Variants in SOCS5 observed in about 807,000 individuals in gnomAD.
SOCS5 encodes suppressor of cytokine signaling 5.
SOCS5 carries 32 observed loss-of-function variants against 42.8 expected under a neutral mutation model. The observed-to-expected ratio is 0.75, with a 90% CI of 0.56 to 1.01. SOCS5 has a LOEUF of 1.01. Ranked by LOEUF, SOCS5 falls within the 50% of genes least tolerant of loss-of-function variation. The pLI, the probability that SOCS5 is intolerant of heterozygous loss-of-function variation, is 0.00. For missense variants in SOCS5, 627 were observed against 653.0 expected, an observed-to-expected ratio of 0.96 and a Z score of 0.43; for synonymous variants, 283 against 229.6, an observed-to-expected ratio of 1.23 and a Z score of -2.10.
At chr2:46,744,266 A>G (rs1673449944) in intron 1 of SOCS5, among the ~76,000 whole-genome samples, 1 of 152,228 alleles carries the variant, frequency 6.6e-6, no homozygotes, top group Non-Finnish European at 1.5e-5. Flanking sequence ...CTGGGATTAC[A>G]GGCATGAGCC....
In SOCS5 at chr2:46,724,542, C is replaced by G. The variant is rs191650244; in HGVS notation, c.-13+25093C>G. 3.9e-5 allele frequency among the ~76,000 whole-genome samples: 6 copies of G among 151,970 alleles called. 1 individual carries two copies. In the East Asian group the frequency reaches 5.8e-4, roughly 15 times the overall value. On this transcript the variant is annotated intron_variant, in intron 1 of 1. Coordinates refer to ENST00000394861, the MANE Select transcript of SOCS5 (RefSeq NM_144949.3). ...GCCATACATTTTCCTCTGAGCATTG[C>G]TTAACTACATCATACAAATGATGTA...
intron 1 of SOCS5, among the ~76,000 whole-genome samples, chr2:46,718,099 G>A (rs1672790339): frequency 6.7e-6 from 1 of 148,284 alleles, no homozygotes; most frequent in African/African-American, 2.4e-5. Flanking sequence ...TGTGTTTTGT[G>A]TGTGTGTGTG....
chr2:46,703,456 A>G (rs187608580), intron 1 of SOCS5, among the ~76,000 whole-genome samples: 4 of 152,298 alleles, frequency 2.6e-5, no homozygotes, highest in African/African-American at 7.2e-5. Flanking sequence ...AAGTTACCAC[A>G]ATTTATTGGA....
chr2:46,718,806 C>G (rs960273978), intron 1 of SOCS5, among the ~76,000 whole-genome samples: 1 of 152,090 alleles, frequency 6.6e-6, no homozygotes, highest in Admixed American at 6.5e-5. Flanking sequence ...AGGTCTCTCA[C>G]ATAGAAAAGA....
Position 46,707,247 on chromosome 2 carries a change from C to T in SOCS5, c.-13+7798C>T, listed in dbSNP as rs1286361483. On this transcript the variant is annotated intron_variant, in intron 1 of 1. Transcript: ENST00000394861. ...ACGGAAGAATTTTAACATCAATTTA[C>T]TGTAAAGTGGAAGCTCAGGAGATAG... is the stretch of plus-strand genomic sequence containing the variant. Among the ~76,000 whole-genome samples, 10 of 152,306 alleles carry T rather than the reference C, an allele frequency of 6.6e-5. No homozygotes were observed. The East Asian group carries it at 9.6e-4, about 15-fold the overall frequency.
rs747748827 is a variant in SOCS5, at chr2:46,760,029, G to C, written c.1499G>C (p.Gly500Ala). The change falls in exon 2 of 2, where the codon GGA becomes GCA. Residue 500 changes from glycine to alanine, a missense_variant. Coordinates refer to ENST00000394861, the MANE Select transcript of SOCS5 (RefSeq NM_144949.3). ...AVICRCTTYD[G>A]IDGLPLPSML... ...ATCTGCAGGTGCACTACGTATGATG[G>C]AATTGATGGGCTCCCTCTACCCTCA... The C allele has an allele frequency of 3.7e-6, 6 of 1,614,126 alleles. No individual in the cohort carries two copies.
intron 1 of SOCS5, among the ~76,000 whole-genome samples, chr2:46,708,730 C>T (rs1019301981): frequency 6.6e-6 from 1 of 152,142 alleles, no homozygotes; most frequent in African/African-American, 2.4e-5. Context: ...TTTCTTCCTG[C>T]CTTCGGAATC....
chr2:46,732,206 G>C (rs1221624031), intron 1 of SOCS5, among the ~76,000 whole-genome samples: 1 of 152,200 alleles, frequency 6.6e-6, no homozygotes, highest in Non-Finnish European at 1.5e-5. Flanking sequence ...ACAAATTGTA[G>C]TTTTCAAAAC....
At chr2:46,756,724 G>A (rs1301205039) in intron 1 of SOCS5, among the ~76,000 whole-genome samples, 3 of 152,162 alleles carry the variant, frequency 2.0e-5, no homozygotes, top group Admixed American at 1.3e-4. Context: ...AAAGGGGCTA[G>A]GATATTGGAA....
chr2:46,724,724 A>G lies in SOCS5; in HGVS notation c.-13+25275A>G, dbSNP rs114766413. ...TTTAGGTTCATTATGGTCAAACAAC[A>G]TATTTTATGTTGCTTCAGTTCTTTT... On this transcript the variant is annotated intron_variant, in intron 1 of 1. Coordinates refer to ENST00000394861, the MANE Select transcript of SOCS5 (RefSeq NM_144949.3). Among the ~76,000 whole-genome samples, 1,178 of 152,094 alleles carry G rather than the reference A, an allele frequency of 7.7e-3. 24 individuals carry two copies. The highest frequency in any genetic ancestry group is 0.027 in the African/African-American group (1,121 of 41,504).
rs558184294 is a variant in SOCS5, at chr2:46,731,904, T to A, written c.-12-26615T>A. ...CCTTAAAAAAGACCTGAAGTTTGCA[T>A]GTGAAGGTAGTCATGGGAAAAGTTG... is the stretch of plus-strand genomic sequence containing the variant. On this transcript the variant is annotated intron_variant, in intron 1 of 1. Transcript: ENST00000394861. Among the ~76,000 whole-genome samples the A allele has an allele frequency of 9.8e-5, 15 of 152,306 alleles. No individual in the cohort carries two copies. The South Asian group carries it at 2.7e-3, about 27-fold the overall frequency.
At chr2:46,707,960 A>G (rs1672534698) in intron 1 of SOCS5, among the ~76,000 whole-genome samples, 1 of 152,214 alleles carries the variant, frequency 6.6e-6, no homozygotes, top group African/African-American at 2.4e-5. Context: ...CTGTTTTATA[A>G]TAAAGTGTTG....
chr2:46,712,579 T>C (rs1672649618), intron 1 of SOCS5, among the ~76,000 whole-genome samples: 1 of 152,164 alleles, frequency 6.6e-6, no homozygotes, highest in Non-Finnish European at 1.5e-5. Flanking sequence ...CCTGACCTCG[T>C]GATCCGCCTG....
In SOCS5 at chr2:46,760,148, C is replaced by T. The variant is rs182123759; in HGVS notation, c.*7C>T. The stretch of plus-strand genomic sequence containing the variant: ...ACCAGTCAAGGCAAAGTAAACTCTC[C>T]GGTCCCCAAAGGTTGTTAACTAGGT... On this transcript the variant is annotated 3_prime_UTR_variant, in exon 2 of 2. Coordinates refer to ENST00000394861, the MANE Select transcript of SOCS5 (RefSeq NM_144949.3). The T allele has an allele frequency of 8.8e-5, 142 of 1,605,482 alleles. No homozygotes were observed. In the African/African-American group the frequency reaches 1.7e-3, roughly 20 times the overall value.
intron 1 of SOCS5, among the ~76,000 whole-genome samples, chr2:46,746,513 T>G (rs556394516): frequency 1.3e-5 from 2 of 152,000 alleles, no homozygotes; most frequent in East Asian, 3.9e-4. Context: ...TAGCCAGGCG[T>G]GGTGGCGGAC....
At chr2:46,736,329 C>T (rs1356273475) in intron 1 of SOCS5, among the ~76,000 whole-genome samples, 1 of 152,156 alleles carries the variant, frequency 6.6e-6, no homozygotes, top group African/African-American at 2.4e-5. Context: ...AGATGTGAGT[C>T]ACCACACCTG....
chr2:46,703,921 T>A (rs528483515), intron 1 of SOCS5, among the ~76,000 whole-genome samples: 4 of 152,240 alleles, frequency 2.6e-5, no homozygotes, highest in Admixed American at 1.3e-4. Context: ...GATTGTTGAC[T>A]CATGTTAATA....
At chr2:46,746,509 G>A (rs185816297) in intron 1 of SOCS5, among the ~76,000 whole-genome samples, 1 of 152,132 alleles carries the variant, frequency 6.6e-6, no homozygotes, top group Admixed American at 6.5e-5. Context: ...AAATTAGCCA[G>A]GCGTGGTGGC....
intron 1 of SOCS5, among the ~76,000 whole-genome samples, chr2:46,711,800 T>C (rs955488917): frequency 2.6e-5 from 4 of 152,214 alleles, no homozygotes; most frequent in African/African-American, 9.7e-5. Context: ...AAGATTAGAT[T>C]TTTGCCCCCA....
Sources: gnomAD v4.1 joint callset for allele counts (sites outside exome capture counted in the v4.1 genomes callset) on GRCh38, gnomAD v4.1.1 for gene constraint, MANE v1.5 for transcripts, NCBI Gene and HGNC (gene_info 2026-07-23, HGNC 2026-07-21) for gene names.